GRIN2A: variants seen among roughly 807,000 people sequenced by gnomAD.
GRIN2A encodes the protein glutamate ionotropic receptor NMDA type subunit 2A, also known as glutamate receptor ionotropic, NMDA 2A.
GRIN2A carries 22 observed loss-of-function variants against 113.4 expected under a neutral mutation model. The ratio of observed to expected loss-of-function variants is 0.19; its 90% CI spans 0.14 to 0.28. GRIN2A has a LOEUF of 0.28. Among genes scored for constraint, GRIN2A ranks in the 10% least tolerant of loss-of-function variants. The pLI is 1.00. For synonymous variants in GRIN2A, 827 were observed against 738.4 expected, an observed-to-expected ratio of 1.12 and a Z score of -1.94; for missense variants, 1,502 against 1,887.0, an observed-to-expected ratio of 0.80 and a Z score of 3.78.
intron 3 of GRIN2A, among the ~76,000 whole-genome samples, chr16:9,899,834 C>T (rs1567164233): frequency 6.6e-6 from 1 of 152,160 alleles, no homozygotes; most frequent in African/African-American, 2.4e-5. Context: ...TAGGATCCTG[C>T]ACACTAAATA....
At chr16:9,799,831 T>A (rs927846249) in intron 10 of GRIN2A, among the ~76,000 whole-genome samples, 2 of 152,162 alleles carry the variant, frequency 1.3e-5, no homozygotes, top group African/African-American at 4.8e-5. Context: ...CTTGATGAAT[T>A]TTTACATATG....
intron 2 of GRIN2A, among the ~76,000 whole-genome samples, chr16:10,076,083 G>A (rs778026652): frequency 3.3e-5 from 5 of 152,134 alleles, no homozygotes; most frequent in Admixed American, 2.6e-4. Context: ...GGCAAAATGT[G>A]AATGTTCCTT....
intron 2 of GRIN2A, among the ~76,000 whole-genome samples, chr16:10,148,650 C>A (rs560671173): frequency 1.3e-5 from 2 of 152,134 alleles, no homozygotes; most frequent in Non-Finnish European, 2.9e-5. Flanking sequence ...CCATCCAGCA[C>A]GTTAACTATA....
intron 4 of GRIN2A, among the ~76,000 whole-genome samples, chr16:9,882,826 A>G (rs2043508125): frequency 1.3e-5 from 2 of 152,196 alleles, no homozygotes; most frequent in South Asian, 4.1e-4. Context: ...GATGCAATAA[A>G]TGCCTATACC....
chr16:10,058,842 G>A (rs758974131), intron 2 of GRIN2A, among the ~76,000 whole-genome samples: 6 of 152,140 alleles, frequency 3.9e-5, no homozygotes, highest in African/African-American at 7.2e-5. Flanking sequence ...AGACAGATGT[G>A]GTGTCTTCCC....
chr16:9,847,809 G>A (rs1385264751), intron 5 of GRIN2A, among the ~76,000 whole-genome samples: 3 of 147,946 alleles, frequency 2.0e-5, no homozygotes, highest in South Asian at 4.2e-4. Flanking sequence ...AACAGTAGGG[G>A]CATATTTATT....
At chr16:9,769,373 T>C (rs1467203248) in intron 11 of GRIN2A, 2 of 150,112 alleles carry the variant, frequency 1.3e-5, no homozygotes, top group African/African-American at 4.9e-5. Context: ...TATTAATATG[T>C]ATATATATTA....
intron 4 of GRIN2A, among the ~76,000 whole-genome samples, chr16:9,877,986 C>T (rs1378177843): frequency 6.6e-6 from 1 of 151,624 alleles, no homozygotes; most frequent in Non-Finnish European, 1.5e-5. Context: ...TTGGTCTATT[C>T]AGGAGTTTCT....
intron 2 of GRIN2A, among the ~76,000 whole-genome samples, chr16:9,973,032 T>C (rs1233771359): frequency 6.6e-6 from 1 of 152,154 alleles, no homozygotes; most frequent in African/African-American, 2.4e-5. Flanking sequence ...TGTGAGTCCG[T>C]TCCTGGGTGG....
At chr16:10,160,915 G>A (rs1370671648) in intron 2 of GRIN2A, among the ~76,000 whole-genome samples, 1 of 152,178 alleles carries the variant, frequency 6.6e-6, no homozygotes, top group Non-Finnish European at 1.5e-5. Context: ...CAGGTTTTGG[G>A]GTTTCGGGTT....
chr16:10,019,117 A>ATCTG (rs35776162), intron 2 of GRIN2A, among the ~76,000 whole-genome samples: 103,889 of 151,198 alleles, frequency 0.69, 36,152 homozygotes, highest in Middle Eastern at 0.8. Flanking sequence ...AAATTGCAGG[A>ATCTG]TCTGTGCCTC....
At position 10,132,714 on chromosome 16, in the gene GRIN2A, T is replaced by C. The variant is rs547379202; in HGVS notation, c.414+47284A>G. 1.8e-4 allele frequency among the ~76,000 whole-genome samples: 27 copies of C among 152,336 alleles called. 1 individual carries two copies. The highest frequency in any genetic ancestry group is 6.3e-4 in the African/African-American group (26 of 41,576). ...ACAAAATGGGAATTTAGTACGTATG[T>C]CCTAAAGGACTGCAGAAAGAAGCAA... On this transcript the variant is annotated intron_variant, in intron 2 of 12. Coordinates refer to ENST00000330684, the MANE Select transcript of GRIN2A (RefSeq NM_001134407.3).
chr16:9,760,374 A>ATTTTTTTTTTTTTTT lies in GRIN2A; in HGVS notation c.*2760_*2774dup, dbSNP rs35189803. 4.3e-5 allele frequency: 4 copies of ATTTTTTTTTTTTTTT among 94,066 alleles called. No individual in the cohort carries two copies. The highest frequency in any genetic ancestry group is 9.9e-5 in the African/African-American group (2 of 20,244). 5.8% of individuals were successfully genotyped at this position (94,066 alleles called of 1,614,324 possible). Reference sequence around the variant, plus strand: ...AAATTGACCATCTGATCAGTAGTTGATTTTTTTTTTTTTTTTTTTTTTTTG... The same window carrying ATTTTTTTTTTTTTTT: ...AAATTGACCATCTGATCAGTAGTTGATTTTTTTTTTTTTTTTTTTTTTTTTTTTTTTTTTTTTTTG... On this transcript the variant is annotated 3_prime_UTR_variant, in exon 13 of 13. Coordinates refer to ENST00000330684, the MANE Select transcript of GRIN2A (RefSeq NM_001134407.3).
rs2045278139 is a variant in GRIN2A at position 9,955,283 on chromosome 16, TC to T, written c.415-16733del. Among the ~76,000 whole-genome samples the T allele has an allele frequency of 2.6e-5, 4 of 152,318 alleles. No individual in the cohort carries two copies. In the South Asian group the frequency reaches 8.3e-4, roughly 32 times the overall value. The stretch of plus-strand genomic sequence containing the variant: ...TTTCTCCTCTCTGGATGCAATGACC[TC>T]TCGGCCACCTTGTGTCCACCACAGA... On this transcript the variant is annotated intron_variant, in intron 2 of 12. Transcript: ENST00000330684.
intron 2 of GRIN2A, among the ~76,000 whole-genome samples, chr16:9,948,929 C>A (rs868366905): frequency 6.6e-6 from 1 of 152,204 alleles, no homozygotes; most frequent in Admixed American, 6.5e-5. Flanking sequence ...CTCCCTGAGC[C>A]TCCATTTTTT....
intron 11 of GRIN2A, among the ~76,000 whole-genome samples, chr16:9,783,795 G>A (rs528464410): frequency 1.1e-4 from 17 of 152,282 alleles, no homozygotes; most frequent in Non-Finnish European, 2.2e-4. Context: ...GGTAAATATT[G>A]TTACTTTAAA....
intron 2 of GRIN2A, 98 bp downstream of exon 2, chr16:10,179,900 C>A: frequency 1.9e-5 from 10 of 534,202 alleles, no homozygotes; most frequent in East Asian, 1.2e-4. Context: ...CCCCACTTCA[C>A]ATCAAGACAG....
chr16:9,937,288 T>C lies in GRIN2A; in HGVS notation c.1007+671A>G, dbSNP rs531871654. On this transcript the variant is annotated intron_variant, in intron 3 of 12. Coordinates refer to ENST00000330684, the MANE Select transcript of GRIN2A (RefSeq NM_001134407.3). ...AAACATAGAAAGAATGAATAAGACC[T>C]ACTATACGATAGCATAATAGGGTGA... Among the ~76,000 whole-genome samples, 5 of 152,098 alleles carry C rather than the reference T, an allele frequency of 3.3e-5. No homozygotes were observed. The South Asian group carries it at 8.3e-4, about 25-fold the overall frequency.
chr16:10,028,521 G>C (rs1011043376), intron 2 of GRIN2A, among the ~76,000 whole-genome samples: 2 of 152,134 alleles, frequency 1.3e-5, no homozygotes, highest in African/African-American at 2.4e-5. Context: ...TCTCCTTCCT[G>C]CTTCCTGGAT....
Sources: gnomAD v4.1 joint callset for allele counts (sites outside exome capture counted in the v4.1 genomes callset) on GRCh38, gnomAD v4.1.1 for gene constraint, MANE v1.5 for transcripts, NCBI Gene and HGNC (gene_info 2026-07-23, HGNC 2026-07-21) for gene names.